Variants in CCDC197 observed in about 807,000 individuals in gnomAD.
The protein encoded by CCDC197 is uncharacterized protein CCDC197.
Under a neutral mutation model 13.4 loss-of-function variants are expected in CCDC197, and 24 were observed. The ratio of observed to expected loss-of-function variants is 1.80; its 90% confidence interval spans 1.30 to 2.53. The LOEUF is 2.53. Among genes scored for constraint, CCDC197 ranks in the 30% most tolerant of loss-of-function variants. CCDC197 has a pLI of 0.00. For synonymous variants in CCDC197, 99 were observed against 55.5 expected, an observed-to-expected ratio of 1.78 and a Z score of -3.48; for missense variants, 255 against 148.8, an observed-to-expected ratio of 1.71 and a Z score of -3.71.
Position 94,001,300 on chromosome 14 carries a change from G to T in CCDC197, c.343G>T (p.Glu115Ter). 1.3e-6 allele frequency: 1 copy of T among 779,022 alleles called. No homozygotes were observed. Among genetic ancestry groups the T allele is most frequent in the Non-Finnish European group, 2.4e-6 (1 of 417,060 alleles). The allele number at this position is 779,022 out of a possible 1,614,324, so 48.3% of individuals were successfully genotyped here. A position where few individuals can be genotyped will look rare whatever the true frequency, so the allele number is the denominator to read the frequency against. The change falls in exon 4 of 7, where the codon GAG becomes TAG. Residue 115 changes from glutamate (E) to a stop codon, truncating the protein, a stop_gained. Coordinates refer to ENST00000636493, the MANE Select transcript of CCDC197 (RefSeq NM_001351596.2). LOFTEE classifies it high-confidence loss of function. The part of the protein sequence containing the change: ...AVHRSLESLE[E>*]DHRALMLSLK... ...CCACCGGAGCCTGGAGTCTCTGGAGGAGGACCACAGGGCTCTCATGTTGGT... is the reference window on the plus strand; with the variant it reads ...CCACCGGAGCCTGGAGTCTCTGGAGTAGGACCACAGGGCTCTCATGTTGGT...
In CCDC197 at chr14:94,008,745, G is replaced by A. The variant is rs1050787265; in HGVS notation, c.752G>A (p.Arg251Lys). Residue 251 changes from arginine (R) to lysine (K), a missense_variant, in exon 7 of 7, where the codon AGG becomes AAG. By Grantham distance (26) the Arg-to-Lys change is conservative (BLOSUM62 2). Coordinates refer to ENST00000636493, the MANE Select transcript of CCDC197 (RefSeq NM_001351596.2). ...AAACCCTTCAGGAAATGTCCAAGGA[G>A]GCGGGTTTCCACCCCCAGGACCCCC... ...HPKPFRKCPR[R>K]RVSTPRTPFP... is the part of the protein sequence containing the mutation. The A allele has an allele frequency of 2.8e-6, 2 of 702,798 alleles. No individual in the cohort carries two copies. The highest frequency in any genetic ancestry group is 3.5e-5 in the African/African-American group (2 of 57,384). 43.5% of individuals were successfully genotyped at this position (702,798 alleles called of 1,614,324 possible).
upstream of CCDC197, among the ~76,000 whole-genome samples, chr14:93,994,760 C>T (rs564552160): frequency 1.1e-4 from 16 of 152,162 alleles, no homozygotes; most frequent in African/African-American, 3.1e-4. Flanking sequence ...TGGGAAGGGA[C>T]GAGGGTCTGG....
At chr14:94,002,321 C>T (rs1384659009) in intron 4 of CCDC197, among the ~76,000 whole-genome samples, 1 of 151,950 alleles carries the variant, frequency 6.6e-6, no homozygotes, top group Non-Finnish European at 1.5e-5. Context: ...CAGGGTTTCA[C>T]TCTGTCGCCC....
chr14:93,992,388 T>A (rs900550656), upstream of CCDC197, among the ~76,000 whole-genome samples: 1 of 151,210 alleles, frequency 6.6e-6, no homozygotes, highest in Non-Finnish European at 1.5e-5. Context: ...TAGCAGGAGG[T>A]GACAAGGTGG....
chr14:94,003,221 A>C lies in CCDC197; in HGVS notation c.367-2A>C. The C allele has an allele frequency of 1.3e-6, 1 of 780,320 alleles. No homozygotes were observed. The highest frequency in any genetic ancestry group is 2.4e-6 in the Non-Finnish European group (1 of 417,898). The allele number at this position is 780,320 out of a possible 1,614,324, so 48.3% of individuals were successfully genotyped here. A position where few individuals can be genotyped will look rare whatever the true frequency, so the allele number is the denominator to read the frequency against. On this transcript the variant is annotated splice_acceptor_variant, in intron 4 of 6. Transcript: ENST00000636493. LOFTEE classifies it high-confidence loss of function. This position sits in a 1 kb window ranked among gnomAD's most constrained non-coding sequence, Gnocchi z 5.0. ...CAAGATGGCCCATTCCCTCTGCCCC[A>C]GAGCCTCAAGATCCGGCTGTGTCAG...
At chr14:93,987,619 A>G (rs1443650132) in intron 1 of CCDC197, among the ~76,000 whole-genome samples, 1 of 152,106 alleles carries the variant, frequency 6.6e-6, no homozygotes, top group Non-Finnish European at 1.5e-5. Context: ...GCACTGGGCC[A>G]GCAGCCTGGC....
chr14:93,998,616 G>A (rs990261072), intron 2 of CCDC197, among the ~76,000 whole-genome samples: 2 of 152,178 alleles, frequency 1.3e-5, no homozygotes, highest in Non-Finnish European at 2.9e-5. Flanking sequence ...GGGGATGGGA[G>A]GTTGGGGAGA....
At chr14:94,010,580 A>G (rs1417095383), downstream of CCDC197, among the ~76,000 whole-genome samples, 1 of 152,238 alleles carries the variant, frequency 6.6e-6, no homozygotes, top group Non-Finnish European at 1.5e-5. Flanking sequence ...CTTCACAGGA[A>G]AGAGGGCACC....
chr14:93,996,515 G>A (rs1231192147), upstream of CCDC197, among the ~76,000 whole-genome samples: 1 of 151,520 alleles, frequency 6.6e-6, no homozygotes, highest in African/African-American at 2.4e-5. Context: ...CCCTTGCTCT[G>A]CCCCTGCAGA....
Position 93,999,498 on chromosome 14 carries a change from C to T in CCDC197, c.105-85C>T, listed in dbSNP as rs1890423929. On this transcript the variant is annotated intron_variant, in intron 2 of 6. Transcript: ENST00000636493. ...CCCAGTGCACGTCCAAGCAGGAGAT[C>T]ACAGAGGGTGGTCCAGGTTCATTCA... 3 of 758,184 alleles carry T rather than the reference C, an allele frequency of 4.0e-6. No individual in the cohort carries two copies. In the East Asian group the frequency reaches 7.3e-5, roughly 18 times the overall value. The allele number at this position is 758,184 out of a possible 1,614,324, so 47.0% of individuals were successfully genotyped here.
intron 6 of CCDC197, among the ~76,000 whole-genome samples, chr14:94,006,217 T>G (rs2141384594): frequency 6.6e-6 from 1 of 152,354 alleles, no homozygotes; most frequent in Middle Eastern, 3.4e-3. Flanking sequence ...AAGTGGCATC[T>G]CATTGTGGTT....
In CCDC197 at chr14:94,007,483, C is replaced by T. The variant is rs558035256; in HGVS notation, c.616-1126C>T. ...CTTGATTCTATTCCATTCATCGCTA[C>T]GCCTGTTTTTATGCCAGTACCATAC... On this transcript the variant is annotated intron_variant, in intron 6 of 6. Transcript: ENST00000636493. 8.5e-5 allele frequency: 13 copies of T among 152,318 alleles called. No individual in the cohort carries two copies. In the East Asian group the frequency reaches 9.6e-4, roughly 11 times the overall value. The allele number at this position is 152,318 out of a possible 1,614,324, so 9.4% of individuals were successfully genotyped here.
At chr14:94,008,577 C>CT in intron 6 of CCDC197, 32 bp from the exon 7 acceptor site, 1 of 693,528 alleles carries the variant, frequency 1.4e-6, no homozygotes, top group Non-Finnish European at 2.7e-6. Context: ...GGCCAAAACA[C>CT]TGTCAGGTGA....
upstream of CCDC197, among the ~76,000 whole-genome samples, chr14:93,996,182 G>A (rs771851512): frequency 2.6e-5 from 4 of 151,650 alleles, no homozygotes; most frequent in African/African-American, 4.8e-5. Flanking sequence ...CTGCATCCAC[G>A]TCCCCCACAC....
upstream of CCDC197, among the ~76,000 whole-genome samples, chr14:93,995,955 G>A (rs937600490): frequency 2.0e-5 from 3 of 152,196 alleles, no homozygotes; most frequent in Non-Finnish European, 1.5e-5. Flanking sequence ...CTTTGAAGGC[G>A]CTGCCTACGG....
upstream of CCDC197, among the ~76,000 whole-genome samples, chr14:93,994,781 C>G (rs1196468910): frequency 6.6e-6 from 1 of 152,162 alleles, no homozygotes; most frequent in Non-Finnish European, 1.5e-5. Context: ...CGAGCCTTCT[C>G]CAGCATCTGC....
chr14:93,998,298 C>G, intron 2 of CCDC197, 63 bp downstream of exon 2: 2 of 741,190 alleles, frequency 2.7e-6, no homozygotes. Context: ...GGCTAAGTGG[C>G]TGGACTTAGC....
At chr14:94,002,433 C>T (rs1890549362) in intron 4 of CCDC197, among the ~76,000 whole-genome samples, 1 of 152,126 alleles carries the variant, frequency 6.6e-6, no homozygotes, top group African/African-American at 2.4e-5. Flanking sequence ...GGATTACAGG[C>T]GTGTGCCACC....
upstream of CCDC197, among the ~76,000 whole-genome samples, chr14:93,994,203 A>G (rs544591700): frequency 1.9e-3 from 297 of 152,326 alleles, 3 homozygotes; most frequent in African/African-American, 6.5e-3. Flanking sequence ...TGTACTCGCA[A>G]GAGTCCACAT....
Sources: gnomAD v4.1 joint callset for allele counts (sites outside exome capture counted in the v4.1 genomes callset) on GRCh38, gnomAD v4.1.1 for gene constraint, Gnocchi (gnomAD v3.1) non-coding constraint, MANE v1.5 for transcripts, NCBI Gene and HGNC (gene_info 2026-07-23, HGNC 2026-07-21) for gene names.